The following SVEP1 variants were observed in gnomAD, a reference collection of about 807,000 sequenced individuals.
SVEP1 encodes the protein sushi, von Willebrand factor type A, EGF and pentraxin domain-containing protein 1.
A neutral mutation model predicts 367.3 loss-of-function variants in SVEP1; 164 were observed. The observed-to-expected ratio is 0.45, with a 90% CI of 0.39 to 0.51. The LOEUF (loss-of-function observed/expected upper bound fraction) is 0.51. Ranked by LOEUF, SVEP1 falls within the 20% of genes least tolerant of loss-of-function variation. The pLI, the probability that SVEP1 is intolerant of heterozygous loss-of-function variation, is 0.00. For synonymous variants in SVEP1, 1,666 were observed against 1,611.6 expected, an observed-to-expected ratio of 1.03 and a Z score of -0.81; for missense variants, 4,117 against 4,425.3, an observed-to-expected ratio of 0.93 and a Z score of 1.98.
intron 13 of SVEP1, among the ~76,000 whole-genome samples, chr9:110,477,867 C>T (rs1479242059): frequency 2.6e-5 from 4 of 152,144 alleles, no homozygotes; most frequent in South Asian, 2.1e-4. Flanking sequence ...CTCTCCTACC[C>T]TCTCCTCCTA....
intron 36 of SVEP1, among the ~76,000 whole-genome samples, chr9:110,416,365 ATAAAAAT>A (rs1157867254): frequency 6.6e-6 from 1 of 152,076 alleles, no homozygotes; most frequent in Non-Finnish European, 1.5e-5. Flanking sequence ...AATGTGGAAC[ATAAAAAT>A]TAAAAACAAT....
chr9:110,454,086 CT>C lies in SVEP1; in HGVS notation c.3787+1503del, dbSNP rs551393237. 3.9e-5 allele frequency among the ~76,000 whole-genome samples: 6 copies of C among 152,078 alleles called. No individual in the cohort carries two copies. In the South Asian group the frequency reaches 1.2e-3, roughly 32 times the overall value. ...TATTTTGCTTGTTGATTTGTTTAAG[CT>C]CCTTATAGATTCTGAATACTAGGCC... is the stretch of plus-strand genomic sequence containing the variant. On this transcript the variant is annotated intron_variant, in intron 22 of 47. Coordinates refer to ENST00000374469, the MANE Select transcript of SVEP1 (RefSeq NM_153366.4).
rs190793907 is a variant in SVEP1, at chr9:110,577,668, C to A, written c.531+1345G>T. ...ATAAACAAAAATAAAAGGCAGTGAA[C>A]TGGAAAAACATTTGCAACATATACA... On this transcript the variant is annotated intron_variant, in intron 1 of 47. Transcript: ENST00000374469. Among the ~76,000 whole-genome samples, 412 of 151,992 alleles carry A rather than the reference C, an allele frequency of 2.7e-3. 2 individuals carry two copies. The highest frequency in any genetic ancestry group is 0.022 in the South Asian group (108 of 4,806).
At chr9:110,385,486 A>C (rs531213208) in intron 43 of SVEP1, among the ~76,000 whole-genome samples, 1 of 152,270 alleles carries the variant, frequency 6.6e-6, no homozygotes, top group South Asian at 2.1e-4. Flanking sequence ...ACATCTAGAA[A>C]TGTGTTTTAA....
chr9:110,499,999 A>C (rs1306625866), intron 6 of SVEP1, among the ~76,000 whole-genome samples: 1 of 152,226 alleles, frequency 6.6e-6, no homozygotes, highest in Non-Finnish European at 1.5e-5. Flanking sequence ...AGCACTTTGC[A>C]TGTATTATTT....
rs756283926 is a variant in SVEP1 at position 110,387,471 on chromosome 9, A to C, written c.9887-13T>G. The C allele has an allele frequency of 1.9e-6, 3 of 1,584,926 alleles. No homozygotes were observed. The highest frequency in any genetic ancestry group is 2.6e-6 in the Non-Finnish European group (3 of 1,171,216). On this transcript the variant is annotated splice_polypyrimidine_tract_variant and intron_variant, in intron 41 of 47. Coordinates refer to ENST00000374469, the MANE Select transcript of SVEP1 (RefSeq NM_153366.4). ...TCACACCTGGTCTCTAAAAACAAGAATAAAAGCCTCATATTAATTGCTTCC... is the reference window on the plus strand; with the variant it reads ...TCACACCTGGTCTCTAAAAACAAGACTAAAAGCCTCATATTAATTGCTTCC...
intron 21 of SVEP1, among the ~76,000 whole-genome samples, chr9:110,456,148 T>C (rs772425841): frequency 1.3e-5 from 2 of 152,210 alleles, no homozygotes; most frequent in East Asian, 1.9e-4. Flanking sequence ...AGGCTTTCTA[T>C]GGGCTAGCTG....
At chr9:110,577,780 C>T (rs1021283498) in intron 1 of SVEP1, among the ~76,000 whole-genome samples, 1 of 151,546 alleles carries the variant, frequency 6.6e-6, no homozygotes, top group Non-Finnish European at 1.5e-5. Flanking sequence ...AAAAAACAAA[C>T]AAGCACTATA....
At chr9:110,564,182 A>G (rs555300908) in intron 1 of SVEP1, among the ~76,000 whole-genome samples, 6 of 152,214 alleles carry the variant, frequency 3.9e-5, no homozygotes, top group Non-Finnish European at 7.3e-5. Flanking sequence ...TCGGAAATGT[A>G]TCAGGTCAAA....
intron 9 of SVEP1, among the ~76,000 whole-genome samples, chr9:110,485,668 A>G (rs764838472): frequency 2.7e-4 from 41 of 152,198 alleles, no homozygotes; most frequent in Non-Finnish European, 5.0e-4. Context: ...TGTTCTTATT[A>G]CATGCCTTTG....
chr9:110,443,993 C>T (rs1020647506), intron 26 of SVEP1, among the ~76,000 whole-genome samples: 1 of 152,108 alleles, frequency 6.6e-6, no homozygotes, highest in African/African-American at 2.4e-5. Flanking sequence ...AGAGAAGTTG[C>T]TCCAATTTGA....
At chr9:110,391,837 T>C (rs1255615582) in intron 40 of SVEP1, among the ~76,000 whole-genome samples, 1 of 152,000 alleles carries the variant, frequency 6.6e-6, no homozygotes, top group Non-Finnish European at 1.5e-5. Flanking sequence ...AATTAGTAGA[T>C]CATGTAAAGT....
intron 40 of SVEP1, among the ~76,000 whole-genome samples, chr9:110,396,089 C>T (rs1827753802): frequency 6.6e-6 from 1 of 152,146 alleles, no homozygotes; most frequent in Admixed American, 6.6e-5. Context: ...ACTGACGACA[C>T]AGTTGGAAAT....
At chr9:110,528,722 C>T (rs1460257619) in intron 3 of SVEP1, among the ~76,000 whole-genome samples, 2 of 151,322 alleles carry the variant, frequency 1.3e-5, no homozygotes, top group East Asian at 3.9e-4. Context: ...TTTGTCAGGT[C>T]CATAGTTTGC....
chr9:110,482,920 T>C (rs1393468420), intron 10 of SVEP1, among the ~76,000 whole-genome samples: 2 of 152,324 alleles, frequency 1.3e-5, no homozygotes, highest in East Asian at 1.9e-4. Flanking sequence ...AGCCCACTAG[T>C]AGAAAATAAA....
intron 1 of SVEP1, among the ~76,000 whole-genome samples, chr9:110,574,571 C>A (rs1830602875): frequency 6.6e-6 from 1 of 152,104 alleles, no homozygotes; most frequent in Non-Finnish European, 1.5e-5. Context: ...GATCCCTATG[C>A]AAAAATTCAA....
rs781691484 is a variant in SVEP1, at chr9:110,471,614, AT to A, written c.2765-18del. The A allele has an allele frequency of 6.3e-7, 1 of 1,582,166 alleles. No individual in the cohort carries two copies. The highest frequency in any genetic ancestry group is 8.7e-7 in the Non-Finnish European group (1 of 1,154,788). ...GCACACTAGCTGAGATAAAAACAAA[AT>A]AAAACACAACACAAACACATGGTGT... On this transcript the variant is annotated intron_variant, in intron 15 of 47. Transcript: ENST00000374469.
At chr9:110,534,663 T>C (rs1830058924) in intron 3 of SVEP1, among the ~76,000 whole-genome samples, 1 of 152,176 alleles carries the variant, frequency 6.6e-6, no homozygotes, top group Admixed American at 6.5e-5. Context: ...AGTGTTCCCT[T>C]TTCTCAGCAA....
At chr9:110,403,308 T>TG (rs1353267283) in intron 39 of SVEP1, among the ~76,000 whole-genome samples, 1 of 130,958 alleles carries the variant, frequency 7.6e-6, no homozygotes, top group East Asian at 2.2e-4. Flanking sequence ...TTTTTTTTTT[T>TG]TTTTTTTTTT....
Sources: gnomAD v4.1 joint callset for allele counts (sites outside exome capture counted in the v4.1 genomes callset) on GRCh38, gnomAD v4.1.1 for gene constraint, MANE v1.5 for transcripts, NCBI Gene and HGNC (gene_info 2026-07-23, HGNC 2026-07-21) for gene names.